The following ARID2 variants were observed in gnomAD, a reference collection of about 807,000 sequenced individuals.
The protein encoded by ARID2 is AT-rich interactive domain-containing protein 2.
ARID2 carries 32 observed loss-of-function variants against 184.6 expected under a neutral mutation model. That is an observed-to-expected ratio of 0.17 (90% CI 0.13 to 0.23). The LOEUF (loss-of-function observed/expected upper bound fraction) is 0.23. Ranked by LOEUF, ARID2 falls within the 10% of genes least tolerant of loss-of-function variation. The probability of loss-of-function intolerance (pLI) is 1.00; values close to 1 mark genes in which losing one functional copy is unlikely to be tolerated. For missense variants in ARID2, 1,696 were observed against 2,197.6 expected (o/e 0.77, Z 4.56); for synonymous variants, 836 against 772.6 (o/e 1.08, Z -1.36).
intron 4 of ARID2, among the ~76,000 whole-genome samples, chr12:45,812,102 C>T (rs936764510): frequency 6.6e-5 from 10 of 151,026 alleles, no homozygotes; most frequent in Admixed American, 4.6e-4. Flanking sequence ...GTGGAGTAGA[C>T]GGGCTCCAGT....
rs2138231838 is a variant in ARID2, at chr12:45,891,790, A to G, written c.4933A>G (p.Thr1645Ala). 1.2e-6 allele frequency: 2 copies of G among 1,613,812 alleles called. No homozygotes were observed. The highest frequency in any genetic ancestry group is 1.7e-5 in the Admixed American group (1 of 59,936). ...LWQSCKKWFQ[T>A]PSQVFYHAAT... The stretch of plus-strand genomic sequence containing the variant: ...TTTTATTTTTTATAGGTGGTTTCAG[A>G]CACCCTCACAGGTTTTCTACCATGC... Residue 1645 changes from threonine (T) to alanine (A), a missense_variant, in exon 17 of 21, where the codon ACA becomes GCA. Thr to Ala is a moderately conservative substitution (Grantham distance 58). Coordinates refer to ENST00000334344, the MANE Select transcript of ARID2 (RefSeq NM_152641.4).
At chr12:45,814,623 T>A (rs750017182) in intron 4 of ARID2, among the ~76,000 whole-genome samples, 19 of 152,134 alleles carry the variant, frequency 1.2e-4, no homozygotes, top group Non-Finnish European at 2.2e-4. Context: ...TCCAGTAGCC[T>A]AGGCGACAGA....
chr12:45,755,262 CTG>C (rs1941545216), intron 3 of ARID2, among the ~76,000 whole-genome samples: 1 of 152,128 alleles, frequency 6.6e-6, no homozygotes, highest in Non-Finnish European at 1.5e-5. Context: ...TAGCAGAACA[CTG>C]TTTTGATGAA....
chr12:45,750,574 A>G (rs532197307), intron 3 of ARID2, among the ~76,000 whole-genome samples: 2 of 152,312 alleles, frequency 1.3e-5, no homozygotes, highest in South Asian at 4.1e-4. Flanking sequence ...AATAAAATGA[A>G]GTATGCCTGT....
At chr12:45,876,316 C>T (rs865900373) in intron 16 of ARID2, among the ~76,000 whole-genome samples, 3 of 151,460 alleles carry the variant, frequency 2.0e-5, no homozygotes, top group South Asian at 2.1e-4. Flanking sequence ...TTTGGGAGGC[C>T]GAGGCGGGTG....
chr12:45,850,548 C>T lies in ARID2; in HGVS notation c.2425C>T (p.Pro809Ser), dbSNP rs2138162937. The T allele has an allele frequency of 6.2e-7, 1 of 1,614,084 alleles. No homozygotes were observed. The highest frequency in any genetic ancestry group is 8.5e-7 in the Non-Finnish European group (1 of 1,179,992). Residue 809 changes from proline to serine, a missense_variant, in exon 15 of 21, where the codon CCA becomes TCA. Physicochemically the swap from Pro to Ser is moderately conservative, Grantham distance 74. This residue lies in a region of ARID2 where 713 missense variants were observed against 824.4 expected (regional missense o/e 0.86). Transcript: ENST00000334344. ...TATGTTTGGCAGAGTACAGAACATA[C>T]CAGCATGTACTTCTACAGTTTCACA... ...SHMFGRVQNIPACTSTVSQGQ... is the reference protein window; with the variant it reads ...SHMFGRVQNISACTSTVSQGQ...
intron 16 of ARID2, among the ~76,000 whole-genome samples, chr12:45,882,982 A>G (rs937896298): frequency 2.6e-5 from 4 of 152,172 alleles, no homozygotes; most frequent in Non-Finnish European, 4.4e-5. Flanking sequence ...TGCATTTTCA[A>G]TTGTCAGGAT....
chr12:45,871,587 G>A (rs532721267), intron 16 of ARID2, among the ~76,000 whole-genome samples: 1 of 152,220 alleles, frequency 6.6e-6, no homozygotes, highest in South Asian at 2.1e-4. Flanking sequence ...GTCTTTGTCT[G>A]ATTTTGGTAA....
rs1171243876 is a variant in ARID2, at chr12:45,906,470, G to C, written c.*1392G>C. On this transcript the variant is annotated 3_prime_UTR_variant, in exon 21 of 21. Coordinates refer to ENST00000334344, the MANE Select transcript of ARID2 (RefSeq NM_152641.4). ...TGCAGTAAAAAATATAGACCTAACA[G>C]TTTATGTTATAGAATGGCTTTATTT... is the stretch of plus-strand genomic sequence containing the variant. 1 of 232,728 alleles carries C rather than the reference G, an allele frequency of 4.3e-6. No individual in the cohort carries two copies. Among genetic ancestry groups the C allele is most frequent in the Non-Finnish European group, 8.5e-6 (1 of 117,594 alleles). 14.4% of individuals were successfully genotyped at this position (232,728 alleles called of 1,614,324 possible). A position where few individuals can be genotyped will look rare whatever the true frequency, so the allele number is the denominator to read the frequency against.
At chr12:45,845,591 TG>T (rs1222025697) in intron 11 of ARID2, among the ~76,000 whole-genome samples, 3 of 152,156 alleles carry the variant, frequency 2.0e-5, no homozygotes, top group Non-Finnish European at 4.4e-5. Flanking sequence ...AAATATATAA[TG>T]TAAATATAAA....
intron 3 of ARID2, among the ~76,000 whole-genome samples, chr12:45,746,798 G>A (rs1367781095): frequency 6.6e-6 from 1 of 151,944 alleles, no homozygotes; most frequent in Admixed American, 6.6e-5. Context: ...ACGGAGTCTC[G>A]CTCTGTCACC....
At chr12:45,789,961 C>CA (rs953250455) in intron 3 of ARID2, among the ~76,000 whole-genome samples, 10 of 152,170 alleles carry the variant, frequency 6.6e-5, no homozygotes, top group African/African-American at 2.2e-4. Context: ...CCAAAAAAAC[C>CA]AAAACAAAAC....
chr12:45,844,270 C>T (rs575202199), intron 11 of ARID2, among the ~76,000 whole-genome samples: 9 of 152,270 alleles, frequency 5.9e-5, no homozygotes, highest in East Asian at 1.9e-4. Flanking sequence ...TCACCCACTT[C>T]GGCCTCCCAA....
At chr12:45,840,742 C>T (rs1413370471) in intron 11 of ARID2, 1 of 152,110 alleles carries the variant, frequency 6.6e-6, no homozygotes, top group African/African-American at 2.4e-5. Flanking sequence ...CATTCATGGT[C>T]CCAATTTGTC....
Position 45,868,642 on chromosome 12 carries a change from T to C in ARID2, c.4922+7693T>C, listed in dbSNP as rs138924171. ...ATATTTTTACTTTTTGATTAATTTG[T>C]AATTTAGCTTGATGTATAAAATGAG... On this transcript the variant is annotated intron_variant, in intron 16 of 20. Coordinates refer to ENST00000334344, the MANE Select transcript of ARID2 (RefSeq NM_152641.4). 3.8e-3 allele frequency among the ~76,000 whole-genome samples: 577 copies of C among 152,344 alleles called. 5 individuals carry two copies. The highest frequency in any genetic ancestry group is 0.013 in the African/African-American group (546 of 41,574).
At chr12:45,736,720 T>TTTTCCAGAAATTTTA (rs1178716069) in intron 3 of ARID2, among the ~76,000 whole-genome samples, 2 of 152,198 alleles carry the variant, frequency 1.3e-5, no homozygotes, top group Non-Finnish European at 2.9e-5. Context: ...GAAACACTAG[T>TTTTCCAGAAATTTTA]TTTCCAGAAA....
intron 16 of ARID2, among the ~76,000 whole-genome samples, chr12:45,871,211 C>A (rs769516284): frequency 2.0e-5 from 3 of 152,132 alleles, no homozygotes; most frequent in Admixed American, 6.5e-5. Flanking sequence ...ACATATGATG[C>A]TGAGCATCTT....
intron 1 of ARID2, 28 bp downstream of exon 1, chr12:45,729,956 C>T (rs1592039451): frequency 2.5e-6 from 4 of 1,600,820 alleles, no homozygotes; most frequent in Admixed American, 1.7e-5. Flanking sequence ...GGGGCAGCGC[C>T]GGGGCGAGCC....
intron 5 of ARID2, 112 bp from the exon 6 acceptor site, chr12:45,821,308 C>A: frequency 1.8e-6 from 1 of 548,618 alleles, no homozygotes. Flanking sequence ...TTTTAGTACA[C>A]AAGATATATT....
Sources: allele counts gnomAD v4.1 joint callset (sites outside exome capture counted in the v4.1 genomes callset), GRCh38; gene constraint gnomAD v4.1.1; regional missense constraint gnomAD v4.1.1; transcripts MANE v1.5; gene names NCBI Gene and HGNC (gene_info 2026-07-23, HGNC 2026-07-21).